The following SPINK8 variants were observed in gnomAD, a reference collection of about 807,000 sequenced individuals.
The protein encoded by SPINK8 is serine peptidase inhibitor Kazal type 8 (putative).
In SPINK8, 12 loss-of-function variants were observed where a neutral mutation model predicts 14.4. That is an observed-to-expected ratio of 0.83 (90% CI 0.53 to 1.35). SPINK8 has a LOEUF of 1.35. Among genes scored for constraint, SPINK8 ranks in the 40% most tolerant of loss-of-function variants. SPINK8 has a pLI of 0.00. For missense variants in SPINK8, 103 were observed against 117.0 expected (o/e 0.88, Z 0.55); for synonymous variants, 32 against 37.6 (o/e 0.85, Z 0.55).
At position 48,320,130 on chromosome 3, in the gene SPINK8, CAA is replaced by C. The variant is rs879883714; in HGVS notation, c.118-514_118-513del. Reference sequence around the variant, plus strand: ...GGGCGACAGAGCAAGACTCCGTCTCCAAAAAAAAAAAAAGATAAAAATCCCTG... The same window carrying C: ...GGGCGACAGAGCAAGACTCCGTCTCCAAAAAAAAAAAGATAAAAATCCCTG... On this transcript the variant is annotated intron_variant, in intron 5 of 7. Transcript: ENST00000434006. 7.1e-3 allele frequency among the ~76,000 whole-genome samples: 804 copies of C among 113,268 alleles called. 5 individuals are homozygous for C. The highest frequency in any genetic ancestry group is 0.023 in the African/African-American group (753 of 32,702). 74.3% of individuals were successfully genotyped at this position (113,268 alleles called of 152,430 possible).
intron 6 of SPINK8, among the ~76,000 whole-genome samples, chr3:48,311,976 A>G (rs146423657): frequency 1.1e-3 from 173 of 152,298 alleles, no homozygotes; most frequent in African/African-American, 4.0e-3. Context: ...CAAATGTCCA[A>G]TTTCAAAAAC....
chr3:48,324,129 T>A (rs1283575566), intron 4 of SPINK8, among the ~76,000 whole-genome samples: 1 of 152,116 alleles, frequency 6.6e-6, no homozygotes, highest in Non-Finnish European at 1.5e-5. Context: ...AGATGGGATA[T>A]CTTTATGTTG....
intron 4 of SPINK8, among the ~76,000 whole-genome samples, chr3:48,327,458 T>G (rs147558409): frequency 1.1e-4 from 16 of 152,292 alleles, no homozygotes; most frequent in African/African-American, 3.8e-4. Context: ...GATGGAGTGG[T>G]CCACTTTGGT....
At chr3:48,308,838 C>A (rs575253935) in intron 7 of SPINK8, among the ~76,000 whole-genome samples, 1 of 152,198 alleles carries the variant, frequency 6.6e-6, no homozygotes, top group African/African-American at 2.4e-5. Context: ...GGATATAAGA[C>A]CAGAGATTTA....
intron 1 of SPINK8, among the ~76,000 whole-genome samples, chr3:48,333,088 C>A (rs570576362): frequency 7.2e-5 from 11 of 152,230 alleles, no homozygotes; most frequent in African/African-American, 2.6e-4. Context: ...TGAGGGCTTC[C>A]TGTAGGGCAT....
intron 4 of SPINK8, among the ~76,000 whole-genome samples, chr3:48,326,189 A>T (rs1364061622): frequency 3.3e-5 from 5 of 152,304 alleles, no homozygotes; most frequent in South Asian, 4.1e-4. Context: ...AGAAAAACTC[A>T]TCTTGGCCAT....
chr3:48,325,880 G>A (rs921256953), intron 4 of SPINK8, among the ~76,000 whole-genome samples: 1 of 151,812 alleles, frequency 6.6e-6, no homozygotes, highest in African/African-American at 2.4e-5. Flanking sequence ...TTACAGGCAT[G>A]AGCCACCATG....
intron 6 of SPINK8, among the ~76,000 whole-genome samples, chr3:48,318,837 C>G (rs993267948): frequency 2.6e-5 from 4 of 152,116 alleles, no homozygotes; most frequent in African/African-American, 9.7e-5. Flanking sequence ...AACTTGTAAG[C>G]CTTAGTTAGA....
intron 5 of SPINK8, among the ~76,000 whole-genome samples, chr3:48,319,894 A>G (rs2036047980): frequency 6.6e-6 from 1 of 152,184 alleles, no homozygotes; most frequent in Non-Finnish European, 1.5e-5. Flanking sequence ...CTGTAATCCC[A>G]GCACTTTGGG....
At chr3:48,312,134 C>CAAAAAAAAAAAAAAA (rs112895942) in intron 6 of SPINK8, among the ~76,000 whole-genome samples, 1 of 101,232 alleles carries the variant, frequency 9.9e-6, no homozygotes, top group Non-Finnish European at 2.0e-5. Context: ...ACCCTGTCTC[C>CAAAAAAAAAAAAAAA]AAAAAAAAAA....
At chr3:48,313,238 G>T (rs984624196) in intron 6 of SPINK8, among the ~76,000 whole-genome samples, 4 of 152,060 alleles carry the variant, frequency 2.6e-5, no homozygotes, top group African/African-American at 9.7e-5. Context: ...GAAAATCATA[G>T]TATTTAGTAT....
intron 6 of SPINK8, among the ~76,000 whole-genome samples, chr3:48,313,709 A>G (rs968060314): frequency 2.0e-5 from 3 of 152,194 alleles, no homozygotes; most frequent in Non-Finnish European, 2.9e-5. Flanking sequence ...CATGGAAACA[A>G]CCCAAATTTC....
chr3:48,332,639 G>A lies in SPINK8; in HGVS notation c.-241-168C>T, dbSNP rs189837174. On this transcript the variant is annotated intron_variant, in intron 1 of 7. Coordinates refer to ENST00000434006, the MANE Select transcript of SPINK8 (RefSeq NM_001080525.3). ...ACTGCCTGCTGGCCTGTGGGGAATC[G>A]TTCTCTTTCCTCTGTTGTCATCCTA... Among the ~76,000 whole-genome samples, 339 of 152,250 alleles carry A rather than the reference G, an allele frequency of 2.2e-3. 3 individuals carry two copies. The highest frequency in any genetic ancestry group is 3.1e-3 in the Admixed American group (48 of 15,300).
Position 48,319,509 on chromosome 3 carries a change from C to T in SPINK8, c.227G>A (p.Cys76Tyr), listed in dbSNP as rs1316235738. The change falls in exon 6 of 8, where the codon TGC becomes TAC. Residue 76 changes from cysteine to tyrosine, a missense_variant. Coordinates refer to ENST00000434006, the MANE Select transcript of SPINK8 (RefSeq NM_001080525.3). ...QVTYSSDCHL[C>Y]SKILFEGLNI... ...AATTAGGACTTACAGAATTTTGGAGCACAGATGGCAGTCACTACTGTAGGT... is the reference window on the plus strand; with the variant it reads ...AATTAGGACTTACAGAATTTTGGAGTACAGATGGCAGTCACTACTGTAGGT... The T allele has an allele frequency of 6.2e-7, 1 of 1,613,918 alleles. No individual in the cohort carries two copies. The highest frequency in any genetic ancestry group is 2.2e-5 in the East Asian group (1 of 44,874).
chr3:48,313,533 C>T (rs1430152596), intron 6 of SPINK8, among the ~76,000 whole-genome samples: 2 of 152,166 alleles, frequency 1.3e-5, no homozygotes, highest in Non-Finnish European at 2.9e-5. Flanking sequence ...TAAAATGGTT[C>T]AGCCCCTATA....
chr3:48,307,553 C>T (rs1244382021), intron 7 of SPINK8, among the ~76,000 whole-genome samples: 39 of 128,894 alleles, frequency 3.0e-4, no homozygotes, highest in African/African-American at 1.2e-3. Flanking sequence ...CCCCCCACCT[C>T]TTCTGGAATT....
intron 4 of SPINK8, among the ~76,000 whole-genome samples, chr3:48,326,875 C>T (rs2036153846): frequency 6.6e-6 from 1 of 151,512 alleles, no homozygotes; most frequent in South Asian, 2.1e-4. Flanking sequence ...CACACCACTG[C>T]ACTCCAGCCT....
chr3:48,327,990 T>C (rs116010712), intron 4 of SPINK8, among the ~76,000 whole-genome samples: 1 of 152,318 alleles, frequency 6.6e-6, no homozygotes, highest in African/African-American at 2.4e-5. Context: ...TATGTAAATA[T>C]ACAAACTCTA....
intron 6 of SPINK8, among the ~76,000 whole-genome samples, chr3:48,311,598 A>G (rs2035925340): frequency 6.6e-6 from 1 of 152,250 alleles, no homozygotes; most frequent in Non-Finnish European, 1.5e-5. Flanking sequence ...TAAATCAGCA[A>G]TGAACAATTT....
Sources: gnomAD v4.1 joint callset for allele counts (sites outside exome capture counted in the v4.1 genomes callset) on GRCh38, gnomAD v4.1.1 for gene constraint, MANE v1.5 for transcripts, NCBI Gene and HGNC (gene_info 2026-07-23, HGNC 2026-07-21) for gene names.